The following CACNA1B variants were observed in gnomAD, a reference collection of about 807,000 sequenced individuals.
CACNA1B encodes voltage-dependent N-type calcium channel subunit alpha-1B.
Under a neutral mutation model 247.2 loss-of-function variants are expected in CACNA1B, and 70 were observed. The observed-to-expected ratio is 0.28, with a 90% CI of 0.23 to 0.35. The LOEUF (loss-of-function observed/expected upper bound fraction) is 0.35. CACNA1B is among the 10% of genes least tolerant of loss of function. CACNA1B has a pLI of 1.00. For synonymous variants in CACNA1B, 1,231 were observed against 1,294.4 expected, an observed-to-expected ratio of 0.95 and a Z score of 1.05; for missense variants, 2,367 against 3,197.4, an observed-to-expected ratio of 0.74 and a Z score of 6.26.
At chr9:138,023,855 G>C (rs535354229) in intron 19 of CACNA1B, 44 bp downstream of exon 19, 8 of 962,270 alleles carry the variant, frequency 8.3e-6, no homozygotes, top group Admixed American at 4.0e-5. Flanking sequence ...AGGGTTGGCC[G>C]GGGCGGCGCG....
At chr9:138,006,995 T>C (rs1453236158) in intron 16 of CACNA1B, 111 bp downstream of exon 16, 3 of 663,840 alleles carry the variant, frequency 4.5e-6, no homozygotes, top group Admixed American at 2.2e-5. Flanking sequence ...ACGTGAGAGG[T>C]GCATTCTCAG....
Position 138,100,971 on chromosome 9 carries a change from A to G in CACNA1B, c.5223-1740A>G, listed in dbSNP as rs1961230973. On this transcript the variant is annotated intron_variant, in intron 37 of 46. Transcript: ENST00000371372. This position sits in a 1 kb window ranked among gnomAD's most constrained non-coding sequence, Gnocchi z 4.6. ...AGCCCCAGTACCCCGGCGAGGTGCCACCTGTCCAGTGCACCCCTCACCTCC... is the reference window on the plus strand; with the variant it reads ...AGCCCCAGTACCCCGGCGAGGTGCCGCCTGTCCAGTGCACCCCTCACCTCC... The G allele has an allele frequency of 2.4e-6, 1 of 414,590 alleles. No homozygotes were observed. The highest frequency in any genetic ancestry group is 2.0e-5 in the African/African-American group (1 of 48,994). The allele number at this position is 414,590 out of a possible 1,614,324, so 25.7% of individuals were successfully genotyped here. A position where few individuals can be genotyped will look rare whatever the true frequency, so the allele number is the denominator to read the frequency against.
intron 10 of CACNA1B, among the ~76,000 whole-genome samples, chr9:137,968,446 GCT>G (rs1436396683): frequency 1.3e-5 from 2 of 152,226 alleles, no homozygotes; most frequent in African/African-American, 4.8e-5. Context: ...AGGTGACTGT[GCT>G]CTGTTTTCAG....
intron 36 of CACNA1B, among the ~76,000 whole-genome samples, chr9:138,081,056 T>C (rs1234139241): frequency 6.6e-6 from 1 of 152,240 alleles, no homozygotes; most frequent in Non-Finnish European, 1.5e-5. Context: ...ATCACTTTCC[T>C]GAGGCATTGG....
At chr9:137,975,387 G>GGACATTGTGGGGAGAGGCGTCTTTC (rs1958207427) in intron 11 of CACNA1B, among the ~76,000 whole-genome samples, 1 of 152,150 alleles carries the variant, frequency 6.6e-6, no homozygotes, top group Non-Finnish European at 1.5e-5. Flanking sequence ...ACAGTGCCGT[G>GGACATTGTGGGGAGAGGCGTCTTTC]GACATTGTGG....
rs1246833183 is a variant in CACNA1B, at chr9:138,023,711, G to A, written c.2968G>A (p.Glu990Lys). ...RARHKAQPAHEAVEKETTEKE... is the reference protein window; with the variant it reads ...RARHKAQPAHKAVEKETTEKE... ...CCGGCACAAGGCGCAGCCTGCTCAC[G>A]AGGCTGTGGAGAAGGAGACCACGGA... Residue 990 changes from glutamate (E) to lysine (K), a missense_variant, in exon 19 of 47, where the codon GAG becomes AAG. By Grantham distance (56) the Glu-to-Lys change is moderately conservative. Around this residue, in one of 12 missense-constraint regions of CACNA1B, gnomAD observed 631 missense variants for 631.1 expected, o/e 1.00. Coordinates refer to ENST00000371372, the MANE Select transcript of CACNA1B (RefSeq NM_000718.4). The A allele has an allele frequency of 1.3e-6, 2 of 1,543,030 alleles. No individual in the cohort carries two copies. The highest frequency in any genetic ancestry group is 1.7e-6 in the Non-Finnish European group (2 of 1,143,952).
intron 15 of CACNA1B, among the ~76,000 whole-genome samples, chr9:138,003,099 A>G: frequency 6.7e-6 from 1 of 149,496 alleles, no homozygotes. Flanking sequence ...CCTGGCCCAA[A>G]TTTCTTTTTT....
In CACNA1B at chr9:138,072,198, C is replaced by G. The variant is rs1960156595; in HGVS notation, c.4675-1290C>G. 6.6e-6 allele frequency among the ~76,000 whole-genome samples: 1 copy of G among 152,210 alleles called. No individual in the cohort carries two copies. Among genetic ancestry groups the G allele is most frequent in the Non-Finnish European group, 1.5e-5 (1 of 68,032 alleles). The stretch of plus-strand genomic sequence containing the variant: ...GCCATGGATATCATTCAAAACCAGT[C>G]CTGCTCCCACAGTTGCAGCATCCCG... On this transcript the variant is annotated intron_variant, in intron 32 of 46. Coordinates refer to ENST00000371372, the MANE Select transcript of CACNA1B (RefSeq NM_000718.4). The surrounding 1 kb of genome is among the most constrained non-coding windows in gnomAD (Gnocchi z 4.5).
Position 137,975,894 on chromosome 9 carries a change from C to T in CACNA1B, c.1544-13C>T, listed in dbSNP as rs747134058. On this transcript the variant is annotated splice_polypyrimidine_tract_variant and intron_variant, in intron 11 of 46. Coordinates refer to ENST00000371372, the MANE Select transcript of CACNA1B (RefSeq NM_000718.4). ...GCCTCGAGCTAATCCCCCTCTTCTC[C>T]GGCTTCTCCTAGATTTTGCAGAGTT... 2.7e-5 allele frequency: 41 copies of T among 1,543,216 alleles called. 1 individual carries two copies. The highest frequency in any genetic ancestry group is 6.8e-5 in the East Asian group (3 of 44,426).
intron 18 of CACNA1B, among the ~76,000 whole-genome samples, chr9:138,019,580 C>T (rs1448013047): frequency 6.6e-6 from 1 of 151,606 alleles, no homozygotes; most frequent in African/African-American, 2.4e-5. Flanking sequence ...AGTTAGGCCA[C>T]CTGCCCTGAT....
intron 35 of CACNA1B, among the ~76,000 whole-genome samples, chr9:138,077,213 G>A (rs746625549): frequency 3.9e-5 from 6 of 152,142 alleles, no homozygotes; most frequent in South Asian, 2.1e-4. Flanking sequence ...CCCAGCTTAC[G>A]CCTGGGGCTG....
chr9:137,922,209 T>G (rs1207403221), intron 6 of CACNA1B, among the ~76,000 whole-genome samples: 1 of 136,390 alleles, frequency 7.3e-6, no homozygotes, highest in East Asian at 2.2e-4. Flanking sequence ...TCGGAGAACA[T>G]GATCAGCACC....
intron 3 of CACNA1B, among the ~76,000 whole-genome samples, chr9:137,900,019 A>T (rs1490224210): frequency 6.6e-6 from 1 of 152,118 alleles, no homozygotes; most frequent in Non-Finnish European, 1.5e-5. Context: ...ATAGAACATA[A>T]CAGCTCTGAG....
intron 3 of CACNA1B, chr9:137,892,687 G>T: frequency 3.1e-6 from 1 of 321,024 alleles, no homozygotes; most frequent in Non-Finnish European, 6.1e-6. Context: ...GTCCAAGGGT[G>T]GGGGCTCCTG....
intron 15 of CACNA1B, among the ~76,000 whole-genome samples, chr9:137,998,587 A>T (rs1958527319): frequency 6.6e-6 from 1 of 152,232 alleles, no homozygotes; most frequent in African/African-American, 2.4e-5. Context: ...GTCTCAAAAA[A>T]CAAAACAAAA....
rs116161238 is a variant in CACNA1B, at chr9:138,082,992, G to A, written c.5094+4734G>A. ...GGAGAGCTTTTCCCTTTGGTGAGGAGGTAAGCAAGAGGATCCCAGCAGCCC... is the reference window on the plus strand; with the variant it reads ...GGAGAGCTTTTCCCTTTGGTGAGGAAGTAAGCAAGAGGATCCCAGCAGCCC... On this transcript the variant is annotated intron_variant, in intron 36 of 46. Coordinates refer to ENST00000371372, the MANE Select transcript of CACNA1B (RefSeq NM_000718.4). Among the ~76,000 whole-genome samples the A allele has an allele frequency of 7.6e-3, 1,148 of 150,938 alleles. 64 individuals are homozygous for A. Among genetic ancestry groups the A allele is most frequent in the African/African-American group, 0.027 (1,086 of 40,722 alleles).
intron 3 of CACNA1B, among the ~76,000 whole-genome samples, chr9:137,895,527 A>G (rs1049352968): frequency 1.3e-5 from 2 of 152,110 alleles, no homozygotes; most frequent in African/African-American, 2.4e-5. Context: ...TTTCATCGGC[A>G]TTTTGCAGTT....
chr9:138,075,970 A>C (rs1243810954), intron 35 of CACNA1B, 60 bp downstream of exon 35: 1 of 1,097,492 alleles, frequency 9.1e-7, no homozygotes, highest in Non-Finnish European at 1.4e-6. Flanking sequence ...TGCTTTACTC[A>C]GGATGAAGAA....
At chr9:138,002,064 A>G (rs561538528) in intron 15 of CACNA1B, among the ~76,000 whole-genome samples, 226 of 152,240 alleles carry the variant, frequency 1.5e-3, no homozygotes, top group Non-Finnish European at 2.9e-3. Context: ...TGGAAGAGTA[A>G]AAGTCCAAGA....
Sources: gnomAD v4.1 joint callset for allele counts (sites outside exome capture counted in the v4.1 genomes callset) on GRCh38, gnomAD v4.1.1 for gene constraint, gnomAD v4.1.1 regional missense constraint, Gnocchi (gnomAD v3.1) non-coding constraint, MANE v1.5 for transcripts, NCBI Gene and HGNC (gene_info 2026-07-23, HGNC 2026-07-21) for gene names.